Variants in GET4 observed in about 807,000 individuals in gnomAD.
The protein encoded by GET4 is guided entry of tail-anchored proteins factor 4.
Under a neutral mutation model 40.0 loss-of-function variants are expected in GET4, and 20 were observed. The observed-to-expected ratio is 0.50, with a 90% CI of 0.35 to 0.73. The LOEUF (loss-of-function observed/expected upper bound fraction) is 0.73, where lower values mean the gene tolerates loss of function less well. GET4 is among the 30% of genes least tolerant of loss of function. GET4 has a pLI of 0.01. For missense variants in GET4, 557 were observed against 454.0 expected (o/e 1.23, Z -2.06); for synonymous variants, 280 against 194.6 (o/e 1.44, Z -3.65).
rs1011749742 is a variant in GET4, at chr7:895,587, C to T, written c.*165C>T. On this transcript the variant is annotated 3_prime_UTR_variant, in exon 9 of 9. Coordinates refer to ENST00000265857, the MANE Select transcript of GET4 (RefSeq NM_015949.3). Reference sequence around the variant, plus strand: ...TGTGCGGCGGCTCAGGGTGGCGCGGCTGCTGCTCACTGTGCTGCTGGGACC... The same window carrying T: ...TGTGCGGCGGCTCAGGGTGGCGCGGTTGCTGCTCACTGTGCTGCTGGGACC... 3.1e-4 allele frequency: 153 copies of T among 492,766 alleles called. No individual in the cohort carries two copies. Among genetic ancestry groups the T allele is most frequent in the South Asian group, 5.7e-4 (21 of 36,654 alleles). The allele number at this position is 492,766 out of a possible 1,614,324, so 30.5% of individuals were successfully genotyped here.
chr7:891,511 C>T (rs1322500228), intron 5 of GET4, among the ~76,000 whole-genome samples: 1 of 149,898 alleles, frequency 6.7e-6, no homozygotes, highest in Non-Finnish European at 1.5e-5. Context: ...CCAGCTCGGG[C>T]GCTGTCTGCT....
At chr7:894,491 C>A (rs997695754) in intron 8 of GET4, among the ~76,000 whole-genome samples, 1 of 152,136 alleles carries the variant, frequency 6.6e-6, no homozygotes, top group South Asian at 2.1e-4. Flanking sequence ...GTGACCTCTC[C>A]CCACAGATGT....
At chr7:877,579 C>A (rs950357391) in intron 1 of GET4, among the ~76,000 whole-genome samples, 1 of 130,958 alleles carries the variant, frequency 7.6e-6, no homozygotes, top group East Asian at 2.3e-4. Context: ...CTTTCGGCTT[C>A]CCTCTCCTAG....
rs1261640394 is a variant in GET4, at chr7:878,574, C to CTT, written c.155+1790_155+1791dup. ...TCAGGGGTTTTTTCCTTTTAATAAA[C>CTT]TTTTTTTTTTTTTTTTTGCGACGGA... On this transcript the variant is annotated intron_variant, in intron 1 of 8. Transcript: ENST00000265857. Among the ~76,000 whole-genome samples the CTT allele has an allele frequency of 9.8e-3, 1,283 of 130,418 alleles. 16 individuals carry two copies. The highest frequency in any genetic ancestry group is 0.016 in the Non-Finnish European group (966 of 61,334). The allele number at this position is 130,418 out of a possible 152,430, so 85.6% of individuals were successfully genotyped here. A position where few individuals can be genotyped will look rare whatever the true frequency, so the allele number is the denominator to read the frequency against.
intron 2 of GET4, 147 bp downstream of exon 2, chr7:886,281 TCC>T (rs930123327): frequency 1.6e-6 from 1 of 634,414 alleles, no homozygotes; most frequent in Non-Finnish European, 2.8e-6. Flanking sequence ...GGGCCCAGAG[TCC>T]CCCCTGGCTT....
chr7:877,069 C>T (rs1460733380), intron 1 of GET4, among the ~76,000 whole-genome samples: 1 of 151,772 alleles, frequency 6.6e-6, no homozygotes, highest in Non-Finnish European at 1.5e-5. Flanking sequence ...CCTTCCCCTA[C>T]TCCCAGCCTC....
In GET4 at chr7:893,722, T is replaced by TG. The variant is rs1562898541; in HGVS notation, c.747-17dup. ...CTGTTCTGCTCACCCAGCACATCCC[T>TG]GTGTGTCTCTGTCCCAGTGGGAAGC... On this transcript the variant is annotated splice_polypyrimidine_tract_variant and intron_variant, in intron 6 of 8. Transcript: ENST00000265857. 1.3e-6 allele frequency: 2 copies of TG among 1,560,156 alleles called. No homozygotes were observed. The highest frequency in any genetic ancestry group is 3.4e-5 in the Admixed American group (2 of 58,508).
intron 1 of GET4, chr7:881,147 G>A (rs1844077703): frequency 6.6e-6 from 1 of 152,156 alleles, no homozygotes; most frequent in Non-Finnish European, 1.5e-5. Flanking sequence ...TTATAGGTGG[G>A]AGCCATAGCA....
chr7:886,191 TG>T (rs1844184365), intron 2 of GET4, 57 bp downstream of exon 2: 4 of 1,138,272 alleles, frequency 3.5e-6, no homozygotes. Context: ...CAAGTGGAGG[TG>T]GGAATGACCT....
chr7:877,392 C>T (rs1483392992), intron 1 of GET4, among the ~76,000 whole-genome samples: 3 of 123,448 alleles, frequency 2.4e-5, no homozygotes, highest in African/African-American at 6.4e-5. Flanking sequence ...CCAGCCTCCC[C>T]CTGCTCCCTC....
chr7:888,476 CCTT>C (rs895743764), intron 4 of GET4, among the ~76,000 whole-genome samples: 4 of 152,232 alleles, frequency 2.6e-5, no homozygotes, highest in Non-Finnish European at 5.9e-5. Flanking sequence ...GCTTTCCCGA[CCTT>C]CTCCCTGAGC....
chr7:886,256 C>A, intron 2 of GET4, 122 bp downstream of exon 2: 1 of 686,218 alleles, frequency 1.5e-6, no homozygotes. Context: ...GCCACTGGGG[C>A]TGTGGGTGGC....
chr7:879,088 C>G (rs1318005195), intron 1 of GET4, among the ~76,000 whole-genome samples: 2 of 152,194 alleles, frequency 1.3e-5, no homozygotes, highest in Non-Finnish European at 2.9e-5. Context: ...AGCTCCACTC[C>G]CTGAAGACCC....
intron 2 of GET4, 128 bp downstream of exon 2, chr7:886,262 G>T: frequency 1.5e-6 from 1 of 669,428 alleles, no homozygotes; most frequent in Non-Finnish European, 2.7e-6. Flanking sequence ...GGGGCTGTGG[G>T]TGGCAGAGGG....
At chr7:886,718 T>G (rs1410623450) in intron 3 of GET4, 68 bp downstream of exon 3, 1 of 1,026,982 alleles carries the variant, frequency 9.7e-7, no homozygotes, top group Admixed American at 1.7e-5. Flanking sequence ...CCCGGGTCTC[T>G]GCGCTGTGTT....
chr7:895,223 G>A (rs916927395), intron 8 of GET4, 111 bp from the exon 9 acceptor site: 3 of 612,810 alleles, frequency 4.9e-6, no homozygotes, highest in East Asian at 2.8e-5. Flanking sequence ...TGAGGCTTTT[G>A]CTTGTTCCAT....
At chr7:894,415 C>G (rs570803882) in intron 8 of GET4, among the ~76,000 whole-genome samples, 1 of 152,290 alleles carries the variant, frequency 6.6e-6, no homozygotes, top group South Asian at 2.1e-4. Context: ...GGAGAGGCCC[C>G]TCACTGAGCC....
intron 1 of GET4, chr7:884,495 C>T: frequency 1.8e-6 from 1 of 547,196 alleles, no homozygotes; most frequent in South Asian, 1.9e-5. Flanking sequence ...CACTTTCTCT[C>T]TTGGGTGCGG....
At chr7:882,943 TCCTGCCACTTGGCTCCTC>T (rs1367992814) in intron 1 of GET4, 1 of 152,346 alleles carries the variant, frequency 6.6e-6, no homozygotes, top group African/African-American at 2.4e-5. Flanking sequence ...GTCTGGCTCT[TCCTGCCACTTGGCTCCTC>T]CTGCAGTGTG....
Sources: allele counts gnomAD v4.1 joint callset (sites outside exome capture counted in the v4.1 genomes callset), GRCh38; gene constraint gnomAD v4.1.1; transcripts MANE v1.5; gene names NCBI Gene and HGNC (gene_info 2026-07-23, HGNC 2026-07-21).